TANC1: variants seen among roughly 807,000 people sequenced by gnomAD.
TANC1 encodes the protein tetratricopeptide repeat, ankyrin repeat and coiled-coil containing 1, also known as protein TANC1.
In TANC1, 77 loss-of-function variants were observed where a neutral mutation model predicts 149.7. The ratio of observed to expected loss-of-function variants is 0.51; its 90% CI spans 0.43 to 0.62. The LOEUF is 0.62. Among genes scored for constraint, TANC1 ranks in the 20% least tolerant of loss-of-function variants. TANC1 has a pLI of 0.00. For missense variants in TANC1, 1,985 were observed against 2,321.8 expected (o/e 0.85, Z 2.98); for synonymous variants, 854 against 925.0 (o/e 0.92, Z 1.39).
At position 159,208,183 on chromosome 2, in the gene TANC1, G is replaced by C. The variant is rs560529591; in HGVS notation, c.3244+9130G>C. On this transcript the variant is annotated intron_variant, in intron 19 of 26. Transcript: ENST00000263635. Reference sequence around the variant, plus strand: ...CAGCTCTCAGCAGTTGATACGTGTTGATACAATGCTATGTATTGTCAGGGT... The same window carrying C: ...CAGCTCTCAGCAGTTGATACGTGTTCATACAATGCTATGTATTGTCAGGGT... Among the ~76,000 whole-genome samples the C allele has an allele frequency of 2.6e-5, 4 of 152,272 alleles. No homozygotes were observed. The East Asian group carries it at 7.7e-4, about 29-fold the overall frequency.
chr2:159,166,797 C>G (rs528752230), intron 8 of TANC1, among the ~76,000 whole-genome samples: 1 of 152,190 alleles, frequency 6.6e-6, no homozygotes, highest in Non-Finnish European at 1.5e-5. Context: ...TTGGTGGCTT[C>G]GAAAATGCCT....
intron 2 of TANC1, among the ~76,000 whole-genome samples, chr2:159,029,210 G>A (rs893448141): frequency 6.6e-6 from 1 of 152,178 alleles, no homozygotes; most frequent in Admixed American, 6.5e-5. Context: ...GATCCATTAT[G>A]TGTATATATC....
chr2:159,136,047 T>TGTGTGTGTGTGTGTGA, intron 4 of TANC1, 147 bp from the exon 5 acceptor site: 7 of 210,226 alleles, frequency 3.3e-5, no homozygotes, highest in Non-Finnish European at 2.7e-5. Flanking sequence ...TGTGTGTGTG[T>TGTGTGTGTGTGTGTGA]GTGCGCGCGC....
At chr2:159,167,785 T>A (rs1159329767) in intron 8 of TANC1, among the ~76,000 whole-genome samples, 1 of 151,846 alleles carries the variant, frequency 6.6e-6, no homozygotes, top group Non-Finnish European at 1.5e-5. Context: ...AATGAAGGAA[T>A]GAGAGAGGAT....
At chr2:159,191,922 A>G (rs2057473526) in intron 16 of TANC1, among the ~76,000 whole-genome samples, 1 of 152,108 alleles carries the variant, frequency 6.6e-6, no homozygotes, top group African/African-American at 2.4e-5. Context: ...GCAGTGATTG[A>G]TGTGGGTCAG....
chr2:159,153,265 A>T (rs1358186773), intron 7 of TANC1, among the ~76,000 whole-genome samples: 13 of 152,134 alleles, frequency 8.5e-5, no homozygotes, highest in African/African-American at 3.1e-4. Context: ...CTGTGTTGTA[A>T]CCTCTGCCAT....
At chr2:159,212,987 G>T (rs1029462062) in intron 19 of TANC1, among the ~76,000 whole-genome samples, 1 of 152,004 alleles carries the variant, frequency 6.6e-6, no homozygotes, top group Admixed American at 6.6e-5. Context: ...CCAGTTATGG[G>T]GAGGTACCCA....
intron 4 of TANC1, among the ~76,000 whole-genome samples, chr2:159,119,027 G>A (rs189392991): frequency 6.6e-6 from 1 of 152,192 alleles, no homozygotes; most frequent in East Asian, 1.9e-4. Context: ...AAGCCTTTTT[G>A]TCTCTGATTG....
intron 2 of TANC1, among the ~76,000 whole-genome samples, chr2:159,030,703 T>C (rs1039966944): frequency 2.0e-5 from 3 of 152,208 alleles, no homozygotes; most frequent in African/African-American, 7.2e-5. Context: ...TCCTGTTTTC[T>C]CAGTTTGTTG....
chr2:159,062,991 A>AAAAAAAAAG (rs1553534848), intron 2 of TANC1, among the ~76,000 whole-genome samples: 2 of 147,190 alleles, frequency 1.4e-5, no homozygotes, highest in Non-Finnish European at 3.0e-5. Flanking sequence ...AAAAAAAAAA[A>AAAAAAAAAG]AAAAGAAAGC....
At chr2:159,017,279 G>A (rs924439414) in intron 2 of TANC1, among the ~76,000 whole-genome samples, 26 of 152,272 alleles carry the variant, frequency 1.7e-4, no homozygotes, top group African/African-American at 6.0e-4. Flanking sequence ...TTGAGTTTGG[G>A]TTGGTACTCA....
chr2:159,205,750 G>A (rs1023322360), intron 19 of TANC1, among the ~76,000 whole-genome samples: 1 of 152,226 alleles, frequency 6.6e-6, no homozygotes, highest in African/African-American at 2.4e-5. Context: ...CATTGATGAT[G>A]TGTGGCCTTT....
intron 1 of TANC1, among the ~76,000 whole-genome samples, chr2:158,986,539 G>T (rs2035018427): frequency 1.3e-5 from 2 of 152,142 alleles, no homozygotes; most frequent in African/African-American, 2.4e-5. Flanking sequence ...AGATTTCCAG[G>T]CCCTGCCCCC....
At position 159,228,121 on chromosome 2, in the gene TANC1, C is replaced by A. The variant is rs1054244076; in HGVS notation, c.4050+156C>A. Reference sequence around the variant, plus strand: ...TGGCATGTGGGAAACAGCTCCTATCCGTGACTATCGTTTGGTCACGGCTGC... The same window carrying A: ...TGGCATGTGGGAAACAGCTCCTATCAGTGACTATCGTTTGGTCACGGCTGC... On this transcript the variant is annotated intron_variant, in intron 25 of 26. Transcript: ENST00000263635. 1.3e-4 allele frequency: 101 copies of A among 777,742 alleles called. 1 individual carries two copies. In the East Asian group the frequency reaches 2.5e-3, roughly 19 times the overall value. 48.2% of individuals were successfully genotyped at this position (777,742 alleles called of 1,614,324 possible). A position where few individuals can be genotyped will look rare whatever the true frequency, so the allele number is the denominator to read the frequency against.
rs1168926337 is a variant in TANC1 at position 159,178,551 on chromosome 2, C to T, written c.1903-5C>T. ...GACACTGTGGGTTTTTGTTTTCTCC[C>T]CCAGGAAATCATAAGTGCGCTGCCA... On this transcript the variant is annotated splice_polypyrimidine_tract_variant and splice_region_variant and intron_variant, in intron 13 of 26. Coordinates refer to ENST00000263635, the MANE Select transcript of TANC1 (RefSeq NM_033394.3). The T allele has an allele frequency of 1.3e-6, 2 of 1,547,722 alleles. No homozygotes were observed. Among genetic ancestry groups the T allele is most frequent in the Admixed American group, 2.1e-5 (1 of 48,108 alleles).
rs150581983 is a variant in TANC1 at position 158,980,334 on chromosome 2, T to C, written c.-126+11552T>C. 5.7e-3 allele frequency among the ~76,000 whole-genome samples: 871 copies of C among 152,178 alleles called. 6 individuals are homozygous for C. The highest frequency in any genetic ancestry group is 0.02 in the African/African-American group (846 of 41,504). On this transcript the variant is annotated intron_variant, in intron 1 of 26. Transcript: ENST00000263635. The stretch of plus-strand genomic sequence containing the variant: ...TGGCCAGAGAACAATGTTTGTTGGG[T>C]TATCTAATTTGTTGAAATACTTAAA...
intron 26 of TANC1, 122 bp from the exon 27 acceptor site, chr2:159,229,456 G>GT (rs1366229423): frequency 7.2e-6 from 6 of 832,654 alleles, no homozygotes; most frequent in African/African-American, 5.2e-5. Flanking sequence ...GGCCACCACC[G>GT]TAAGTGTTCA....
intron 7 of TANC1, among the ~76,000 whole-genome samples, chr2:159,154,778 T>A (rs2053241482): frequency 6.6e-6 from 1 of 152,236 alleles, no homozygotes; most frequent in Non-Finnish European, 1.5e-5. Flanking sequence ...TTAAAATCAT[T>A]GGCATTACCT....
intron 3 of TANC1, among the ~76,000 whole-genome samples, chr2:159,078,865 A>G (rs1005851722): frequency 1.3e-5 from 2 of 152,182 alleles, no homozygotes; most frequent in African/African-American, 2.4e-5. Flanking sequence ...TTGCCTACAA[A>G]ATGAAGTTAG....
Sources: gnomAD v4.1 joint callset for allele counts (sites outside exome capture counted in the v4.1 genomes callset) on GRCh38, gnomAD v4.1.1 for gene constraint, MANE v1.5 for transcripts, NCBI Gene and HGNC (gene_info 2026-07-23, HGNC 2026-07-21) for gene names.